Variants in GPC6 observed in about 807,000 individuals in gnomAD.
The protein encoded by GPC6 is glypican 6, also known as glypican-6.
In GPC6, 14 loss-of-function variants were observed where a neutral mutation model predicts 55.2. That is an observed-to-expected ratio of 0.25 (90% CI 0.17 to 0.40). The LOEUF is 0.40. Among genes scored for constraint, GPC6 ranks in the 10% least tolerant of loss-of-function variants. GPC6 has a pLI of 1.00. For missense variants in GPC6, 641 were observed against 708.5 expected, an observed-to-expected ratio of 0.90 and a Z score of 1.08; for synonymous variants, 278 against 259.6, an observed-to-expected ratio of 1.07 and a Z score of -0.68.
intron 2 of GPC6, among the ~76,000 whole-genome samples, chr13:93,579,196 T>C (rs1277409466): frequency 6.6e-6 from 1 of 152,084 alleles, no homozygotes; most frequent in Non-Finnish European, 1.5e-5. Flanking sequence ...AGAGTCACTA[T>C]TATTAATACT....
At chr13:93,447,175 T>C (rs1278197274) in intron 1 of GPC6, among the ~76,000 whole-genome samples, 1 of 152,202 alleles carries the variant, frequency 6.6e-6, no homozygotes, top group African/African-American at 2.4e-5. Flanking sequence ...CTCATGACTT[T>C]ATCAAATTCT....
intron 1 of GPC6, among the ~76,000 whole-genome samples, chr13:93,353,888 T>C (rs1880728341): frequency 6.6e-6 from 1 of 152,250 alleles, no homozygotes; most frequent in African/African-American, 2.4e-5. Flanking sequence ...ACAAAATTCA[T>C]ATACATCTTT....
At chr13:94,301,421 A>C (rs1875644786) in intron 5 of GPC6, among the ~76,000 whole-genome samples, 1 of 152,190 alleles carries the variant, frequency 6.6e-6, no homozygotes, top group Non-Finnish European at 1.5e-5. Context: ...AAGATTTTTA[A>C]AAGGTTAAAA....
chr13:93,987,025 A>G (rs1248982073), intron 3 of GPC6, among the ~76,000 whole-genome samples: 3 of 152,146 alleles, frequency 2.0e-5, no homozygotes, highest in Non-Finnish European at 4.4e-5. Context: ...TCTAGAATGC[A>G]TGATGACATT....
chr13:94,163,326 ACTTC>A (rs1888234091), intron 4 of GPC6, among the ~76,000 whole-genome samples: 1 of 150,590 alleles, frequency 6.6e-6, no homozygotes, highest in South Asian at 2.1e-4. Flanking sequence ...CCATCCCCCT[ACTTC>A]CTTCCACCTC....
intron 1 of GPC6, among the ~76,000 whole-genome samples, chr13:93,531,717 G>T (rs1306508638): frequency 6.6e-6 from 1 of 152,108 alleles, no homozygotes; most frequent in African/African-American, 2.4e-5. Context: ...TATTTATTAA[G>T]TCCAAACAAT....
Position 93,882,529 on chromosome 13 carries a change from ACT to A in GPC6, c.711+51987_711+51988del, listed in dbSNP as rs1875058079. On this transcript the variant is annotated intron_variant, in intron 3 of 8. Transcript: ENST00000377047. Reference sequence around the variant, plus strand: ...TAACACTGTTAGATTTGTATGTTAGACTCTGTTCTAGTCTGGAATTCCTTGGT... The same window carrying A: ...TAACACTGTTAGATTTGTATGTTAGACTGTTCTAGTCTGGAATTCCTTGGT... 4.0e-5 allele frequency among the ~76,000 whole-genome samples: 6 copies of A among 151,418 alleles called. No individual in the cohort carries two copies. In the South Asian group the frequency reaches 1.0e-3, roughly 26 times the overall value.
chr13:93,702,963 C>G (rs1566494747), intron 2 of GPC6, among the ~76,000 whole-genome samples: 1 of 151,780 alleles, frequency 6.6e-6, no homozygotes, highest in Non-Finnish European at 1.5e-5. Context: ...TCATTCGTGT[C>G]TTTATTGGAG....
intron 4 of GPC6, among the ~76,000 whole-genome samples, chr13:94,231,726 T>C (rs901219503): frequency 5.9e-5 from 9 of 152,072 alleles, no homozygotes; most frequent in African/African-American, 2.2e-4. Flanking sequence ...CTATGATCAG[T>C]TTTTCCTAAT....
At chr13:93,562,536 A>C (rs2139460544) in intron 2 of GPC6, among the ~76,000 whole-genome samples, 1 of 152,336 alleles carries the variant, frequency 6.6e-6, no homozygotes, top group South Asian at 2.1e-4. Context: ...ATTGTGAATT[A>C]AATGAGATAA....
chr13:93,884,651 T>G (rs1019754379), intron 3 of GPC6, among the ~76,000 whole-genome samples: 6 of 152,108 alleles, frequency 3.9e-5, no homozygotes, highest in African/African-American at 1.4e-4. Context: ...ATTTTCACCC[T>G]GAAGGAAGTT....
intron 4 of GPC6, among the ~76,000 whole-genome samples, chr13:94,202,533 A>T (rs896374916): frequency 6.6e-6 from 1 of 152,192 alleles, no homozygotes; most frequent in Non-Finnish European, 1.5e-5. Context: ...CCAAGAGAAC[A>T]GTATGGGGGA....
At chr13:93,597,069 C>A (rs887837334) in intron 2 of GPC6, among the ~76,000 whole-genome samples, 67 of 150,764 alleles carry the variant, frequency 4.4e-4, no homozygotes, top group Non-Finnish European at 6.8e-4. Flanking sequence ...AGTAGTCAGG[C>A]AGTAGGAATT....
chr13:93,789,581 A>G (rs1885940121), intron 2 of GPC6, among the ~76,000 whole-genome samples: 1 of 88,522 alleles, frequency 1.1e-5, no homozygotes, highest in Non-Finnish European at 2.4e-5. Context: ...TATAAATACT[A>G]TATATATATA....
intron 2 of GPC6, among the ~76,000 whole-genome samples, chr13:93,774,118 A>G (rs1480862415): frequency 6.6e-6 from 1 of 152,194 alleles, no homozygotes; most frequent in Non-Finnish European, 1.5e-5. Flanking sequence ...ACATTCAGGG[A>G]CACTCAAAAC....
At chr13:93,806,041 A>G (rs1489216361) in intron 2 of GPC6, among the ~76,000 whole-genome samples, 1 of 152,184 alleles carries the variant, frequency 6.6e-6, no homozygotes, top group Non-Finnish European at 1.5e-5. Flanking sequence ...TTCTCTTTGT[A>G]GAAACCTGTA....
intron 1 of GPC6, among the ~76,000 whole-genome samples, chr13:93,272,501 T>A (rs1051505773): frequency 1.3e-4 from 12 of 89,378 alleles, no homozygotes; most frequent in Non-Finnish European, 2.4e-4. Context: ...TGTATATATA[T>A]ATATATATAT....
intron 4 of GPC6, among the ~76,000 whole-genome samples, chr13:94,097,350 C>CA (rs2138820308): frequency 1.3e-5 from 2 of 151,522 alleles, no homozygotes; most frequent in South Asian, 2.1e-4. Context: ...AAAACAAAAA[C>CA]AAAAAAATTA....
chr13:93,843,345 T>G (rs1888028959), intron 3 of GPC6, among the ~76,000 whole-genome samples: 1 of 152,154 alleles, frequency 6.6e-6, no homozygotes, highest in South Asian at 2.1e-4. Context: ...ATTTAACTGC[T>G]GGAATTTACT....
Sources: allele counts gnomAD v4.1 joint callset (sites outside exome capture counted in the v4.1 genomes callset), GRCh38; gene constraint gnomAD v4.1.1; transcripts MANE v1.5; gene names NCBI Gene and HGNC (gene_info 2026-07-23, HGNC 2026-07-21).